C5: variants seen among roughly 807,000 people sequenced by gnomAD.
C5 encodes C3 and PZP-like alpha-2-macroglobulin domain-containing protein 4.
In C5, 140 loss-of-function variants were observed where a neutral mutation model predicts 218.8. The observed-to-expected ratio is 0.64, with a 90% CI of 0.56 to 0.74. The LOEUF is 0.74. Among genes scored for constraint, C5 ranks in the 30% least tolerant of loss-of-function variants. The pLI, the probability that C5 is intolerant of heterozygous loss-of-function variation, is 0.00. For synonymous variants in C5, 614 were observed against 682.3 expected (o/e 0.90, Z 1.56); for missense variants, 1,700 against 1,969.6 (o/e 0.86, Z 2.59).
intron 15 of C5, 23 bp from the exon 16 acceptor site, chr9:121,015,284 A>C: frequency 6.6e-7 from 1 of 1,512,552 alleles, no homozygotes; most frequent in Non-Finnish European, 9.2e-7. Flanking sequence ...AAAAAAGATA[A>C]AGAAGAAGGA....
At chr9:121,007,675 G>T (rs545398848) in intron 18 of C5, among the ~76,000 whole-genome samples, 4 of 152,294 alleles carry the variant, frequency 2.6e-5, no homozygotes, top group African/African-American at 9.6e-5. Flanking sequence ...TGGAAGACAG[G>T]AAAGTAAACA....
chr9:121,029,650 C>T (rs1263864627), intron 7 of C5, among the ~76,000 whole-genome samples: 1 of 152,204 alleles, frequency 6.6e-6, no homozygotes, highest in African/African-American at 2.4e-5. Context: ...ACGACCTTTG[C>T]ACAGTTCCTT....
At position 121,046,398 on chromosome 9, in the gene C5, A is replaced by G. The variant is rs1441109355; in HGVS notation, c.66-15T>C. ...AAATGACATATCTGTTGAAAAAGGA[A>G]AAGATAAGGCTCAATGTCTTTATAT... is the stretch of plus-strand genomic sequence containing the variant. On this transcript the variant is annotated splice_polypyrimidine_tract_variant and intron_variant, in intron 1 of 40. Transcript: ENST00000223642. 6.3e-7 allele frequency: 1 copy of G among 1,576,046 alleles called. No homozygotes were observed. The highest frequency in any genetic ancestry group is 1.1e-5 in the South Asian group (1 of 90,180).
chr9:120,990,863 C>T (rs537638608), intron 23 of C5, among the ~76,000 whole-genome samples: 5 of 152,274 alleles, frequency 3.3e-5, no homozygotes, highest in East Asian at 1.9e-4. Flanking sequence ...TTCTCTGGAG[C>T]GGGACTGGCC....
chr9:121,065,186 G>A, the C5 span, among the ~76,000 whole-genome samples: 3 of 152,028 alleles, frequency 2.0e-5, no homozygotes, highest in Non-Finnish European at 4.4e-5. Context: ...AGTATAAACT[G>A]AAAAATCCCC....
At chr9:121,013,607 G>C (rs935617549) in intron 17 of C5, among the ~76,000 whole-genome samples, 1 of 152,194 alleles carries the variant, frequency 6.6e-6, no homozygotes, top group African/African-American at 2.4e-5. Flanking sequence ...ATGAGGCTCA[G>C]AGAGGATAAA....
At chr9:121,067,001 C>G in the C5 span, among the ~76,000 whole-genome samples, 5 of 152,056 alleles carry the variant, frequency 3.3e-5, no homozygotes, top group Non-Finnish European at 7.4e-5. Flanking sequence ...CATGATGGCT[C>G]ATGCCTGCAA....
chr9:120,961,646 G>T (rs1588165295), intron 36 of C5, 81 bp from the exon 37 acceptor site: 1 of 871,112 alleles, frequency 1.1e-6, no homozygotes. Flanking sequence ...GTCTTACATG[G>T]AGCCTCAGAG....
At chr9:121,065,575 C>T in the C5 span, among the ~76,000 whole-genome samples, 4 of 152,294 alleles carry the variant, frequency 2.6e-5, no homozygotes, top group African/African-American at 4.8e-5. Context: ...ACTGCAGCCT[C>T]GAATCGCTCA....
the C5 span, among the ~76,000 whole-genome samples, chr9:121,056,906 A>T: frequency 6.6e-6 from 1 of 152,206 alleles, no homozygotes; most frequent in African/African-American, 2.4e-5. Context: ...GAGCAGATTC[A>T]ACCCAAATAA....
intron 33 of C5, among the ~76,000 whole-genome samples, chr9:120,965,802 C>A (rs1291756080): frequency 6.6e-6 from 1 of 152,104 alleles, no homozygotes; most frequent in African/African-American, 2.4e-5. Flanking sequence ...AAAAGGGCCT[C>A]CCGAGTGGAG....
intron 33 of C5, 71 bp downstream of exon 33, chr9:120,968,990 T>C (rs1418668456): frequency 1.1e-5 from 14 of 1,307,014 alleles, no homozygotes; most frequent in African/African-American, 1.5e-5. Flanking sequence ...TTTGAAAATA[T>C]GTAAAGAAAC....
In C5 at chr9:121,038,528, A is replaced by G. The variant is rs188206295; in HGVS notation, c.422-577T>C. On this transcript the variant is annotated intron_variant, in intron 3 of 40. Transcript: ENST00000223642. ...TTGTTCGCTCATTGTTAAAAGAGCA[A>G]TGGCAGGGGCTCAATAACTGTTAGT... 4.6e-5 allele frequency among the ~76,000 whole-genome samples: 7 copies of G among 152,340 alleles called. No homozygotes were observed. In the East Asian group the frequency reaches 1.2e-3, roughly 25 times the overall value.
At chr9:120,998,835 T>C (rs1233649765) in intron 20 of C5, among the ~76,000 whole-genome samples, 1 of 152,144 alleles carries the variant, frequency 6.6e-6, no homozygotes, top group African/African-American at 2.4e-5. Flanking sequence ...ATACCCAAAA[T>C]AATAAATCCA....
At chr9:121,002,238 GTATATGTATA>G (rs2047171555) in intron 20 of C5, among the ~76,000 whole-genome samples, 3 of 58,590 alleles carry the variant, frequency 5.1e-5, no homozygotes, top group South Asian at 1.2e-3. Context: ...ATGTATATAT[GTATATGTATA>G]TATATGTATA....
chr9:121,014,097 T>G (rs1182932231), intron 16 of C5, 27 bp from the exon 17 acceptor site: 1 of 1,590,418 alleles, frequency 6.3e-7, no homozygotes, highest in African/African-American at 1.3e-5. Context: ...GCAAGTGCTC[T>G]TGATGACGCA....
At chr9:121,011,982 GA>G (rs145482425) in intron 17 of C5, among the ~76,000 whole-genome samples, 4,178 of 152,248 alleles carry the variant, frequency 0.027, 203 homozygotes, top group African/African-American at 0.095. Flanking sequence ...GTAGGAGGAT[GA>G]GGGGGATGTG....
chr9:121,072,670 G>A, the C5 span, among the ~76,000 whole-genome samples: 1 of 151,964 alleles, frequency 6.6e-6, no homozygotes, highest in Non-Finnish European at 1.5e-5. Flanking sequence ...GCTGGCCTTG[G>A]TGGTGCGTGC....
At position 120,952,731 on chromosome 9, in the gene C5, C is replaced by A. The variant is rs1367692708; in HGVS notation, c.*8G>T. ...GTGCAAACTGTATGCAGCTGAACTT[C>A]AGGAATTTTAGCATCCATTTAAAAA... On this transcript the variant is annotated 3_prime_UTR_variant, in exon 41 of 41. Coordinates refer to ENST00000223642, the MANE Select transcript of C5 (RefSeq NM_001735.3). The A allele has an allele frequency of 6.2e-7, 1 of 1,612,006 alleles. No homozygotes were observed. Among genetic ancestry groups the A allele is most frequent in the South Asian group, 1.1e-5 (1 of 90,972 alleles).
Sources: allele counts gnomAD v4.1 joint callset (sites outside exome capture counted in the v4.1 genomes callset), GRCh38; gene constraint gnomAD v4.1.1; transcripts MANE v1.5; gene names NCBI Gene and HGNC (gene_info 2026-07-23, HGNC 2026-07-21).